FNDC3B: variants seen among roughly 807,000 people sequenced by gnomAD.
FNDC3B encodes the protein fibronectin type III domain-containing protein 3B.
In FNDC3B, 12 loss-of-function variants were observed where a neutral mutation model predicts 151.5. The observed-to-expected ratio is 0.08, with a 90% CI of 0.05 to 0.13. FNDC3B has a LOEUF of 0.13. Among genes scored for constraint, FNDC3B ranks in the 10% least tolerant of loss-of-function variants. FNDC3B has a pLI of 1.00. For missense variants in FNDC3B, 1,214 were observed against 1,505.3 expected (o/e 0.81, Z 3.20); for synonymous variants, 528 against 549.0 (o/e 0.96, Z 0.54).
At chr3:172,245,082 G>A (rs575525565) in intron 4 of FNDC3B, among the ~76,000 whole-genome samples, 73 of 152,232 alleles carry the variant, frequency 4.8e-4, no homozygotes, top group African/African-American at 1.5e-3. Context: ...GAGCTGTCAA[G>A]CAATTTTTAT....
chr3:172,123,893 A>G (rs749742274), intron 2 of FNDC3B, among the ~76,000 whole-genome samples: 3 of 152,232 alleles, frequency 2.0e-5, no homozygotes, highest in Non-Finnish European at 2.9e-5. Context: ...AGGTTTATCT[A>G]TATGAATAAT....
intron 8 of FNDC3B, 27 bp downstream of exon 8, chr3:172,295,541 T>C (rs1269918581): frequency 6.2e-7 from 1 of 1,606,534 alleles, no homozygotes; most frequent in African/African-American, 1.3e-5. Context: ...TTGTTTTTCT[T>C]TGCTGCTAAA....
chr3:172,235,184 C>A (rs147394018), intron 4 of FNDC3B, among the ~76,000 whole-genome samples: 1 of 151,964 alleles, frequency 6.6e-6, no homozygotes, highest in Admixed American at 6.6e-5. Flanking sequence ...CTAGTAACTA[C>A]AATAATTTTG....
chr3:172,132,891 A>G (rs1721174615), intron 2 of FNDC3B, among the ~76,000 whole-genome samples: 1 of 152,230 alleles, frequency 6.6e-6, no homozygotes, highest in African/African-American at 2.4e-5. Context: ...ATGTTCATAT[A>G]AGTAAAACAT....
intron 23 of FNDC3B, among the ~76,000 whole-genome samples, chr3:172,372,673 A>G (rs1734937939): frequency 6.6e-6 from 1 of 152,174 alleles, no homozygotes; most frequent in African/African-American, 2.4e-5. Context: ...GAATGACCCC[A>G]GTAGCCTGGG....
Position 172,122,527 on chromosome 3 carries a change from G to C in FNDC3B, c.111+9937G>C, listed in dbSNP as rs1720604530. 2.0e-5 allele frequency among the ~76,000 whole-genome samples: 3 copies of C among 152,336 alleles called. No individual in the cohort carries two copies. The South Asian group carries it at 6.2e-4, about 32-fold the overall frequency. ...GGTGGGTCCCCAGAAGAAACATTAT[G>C]CATGTGCTGCTTTAGTGTTAATGCC... On this transcript the variant is annotated intron_variant, in intron 2 of 25. Transcript: ENST00000415807.
intron 1 of FNDC3B, among the ~76,000 whole-genome samples, chr3:172,065,956 A>G (rs1303766390): frequency 6.6e-6 from 1 of 152,170 alleles, no homozygotes; most frequent in Non-Finnish European, 1.5e-5. Flanking sequence ...AGGTATGATT[A>G]TGTGGTTAAT....
At chr3:172,086,360 TA>T (rs11417506) in intron 1 of FNDC3B, among the ~76,000 whole-genome samples, 32 of 147,536 alleles carry the variant, frequency 2.2e-4, no homozygotes, top group East Asian at 4.0e-4. Flanking sequence ...ACCTGATCTT[TA>T]AAAAAAAAAA....
At chr3:172,201,794 G>C (rs1043010351) in intron 3 of FNDC3B, among the ~76,000 whole-genome samples, 3 of 152,150 alleles carry the variant, frequency 2.0e-5, no homozygotes, top group African/African-American at 7.2e-5. Context: ...TAAATTTACG[G>C]GATGCCCAGT....
chr3:172,399,087 G>A lies in FNDC3B; in HGVS notation c.*1612G>A, dbSNP rs1176025446. The A allele has an allele frequency of 6.6e-6, 1 of 152,576 alleles. No individual in the cohort carries two copies. The highest frequency in any genetic ancestry group is 2.4e-5 in the African/African-American group (1 of 41,426). 9.5% of individuals were successfully genotyped at this position (152,576 alleles called of 1,614,324 possible). On this transcript the variant is annotated 3_prime_UTR_variant, in exon 26 of 26. Coordinates refer to ENST00000415807, the MANE Select transcript of FNDC3B (RefSeq NM_022763.4). ...TTTATTGTCTAAGATGCAGTATCCT[G>A]TACTAGCTTATAATATTCCCATACC... is the stretch of plus-strand genomic sequence containing the variant.
At chr3:172,284,565 G>T (rs1729909128) in intron 6 of FNDC3B, among the ~76,000 whole-genome samples, 1 of 151,870 alleles carries the variant, frequency 6.6e-6, no homozygotes, top group Non-Finnish European at 1.5e-5. Flanking sequence ...TTGAAAAGAT[G>T]AATTTAAGAT....
rs960786222 is a variant in FNDC3B, at chr3:172,365,982, A to G, written c.3008+3137A>G. ...CTCTGATATCTTTTCACCTTAAGGC[A>G]ACAAATCTTTGTAGAGTATTTGTGA... On this transcript the variant is annotated intron_variant, in intron 23 of 25. Coordinates refer to ENST00000415807, the MANE Select transcript of FNDC3B (RefSeq NM_022763.4). 3.3e-5 allele frequency among the ~76,000 whole-genome samples: 5 copies of G among 152,230 alleles called. No homozygotes were observed. In the East Asian group the frequency reaches 9.6e-4, roughly 29 times the overall value.
intron 6 of FNDC3B, among the ~76,000 whole-genome samples, chr3:172,274,296 T>G (rs78318843): frequency 0.025 from 3,868 of 152,274 alleles, 98 homozygotes; most frequent in Middle Eastern, 0.068. Flanking sequence ...CTGAACCAAG[T>G]AGTCTAGCAG....
At chr3:172,089,897 A>C (rs1485042836) in intron 1 of FNDC3B, among the ~76,000 whole-genome samples, 1 of 152,182 alleles carries the variant, frequency 6.6e-6, no homozygotes, top group Non-Finnish European at 1.5e-5. Context: ...CGGCCATCTC[A>C]ACTTTTTACA....
At chr3:172,076,047 A>C (rs61692023) in intron 1 of FNDC3B, among the ~76,000 whole-genome samples, 7,011 of 152,186 alleles carry the variant, frequency 0.046, 571 homozygotes, top group African/African-American at 0.16. Context: ...TTAAGGTCCC[A>C]GTTTCCAAAG....
Position 172,400,705 on chromosome 3 carries a change from AG to A in FNDC3B, c.*3233del, listed in dbSNP as rs1440972099. On this transcript the variant is annotated 3_prime_UTR_variant, in exon 26 of 26. Transcript: ENST00000415807. Reference sequence around the variant, plus strand: ...TGTTTTAATTCTTTCTGACTTAAATAGGGTTTTTCTGCCATGACTAGGATTG... The same window carrying A: ...TGTTTTAATTCTTTCTGACTTAAATAGGTTTTTCTGCCATGACTAGGATTG... 4 of 152,318 alleles carry A rather than the reference AG, an allele frequency of 2.6e-5. No individual in the cohort carries two copies. The highest frequency in any genetic ancestry group is 9.6e-5 in the African/African-American group (4 of 41,462). 9.4% of individuals were successfully genotyped at this position (152,318 alleles called of 1,614,324 possible).
chr3:172,071,892 A>G (rs1009348042), intron 1 of FNDC3B, among the ~76,000 whole-genome samples: 6 of 151,892 alleles, frequency 4.0e-5, no homozygotes, highest in African/African-American at 1.5e-4. Context: ...TGTTTTACAG[A>G]TAGAAACTGA....
In FNDC3B at chr3:172,382,871, C is replaced by G. The variant is rs561892483; in HGVS notation, c.3303+1778C>G. Among the ~76,000 whole-genome samples the G allele has an allele frequency of 7.2e-5, 11 of 152,216 alleles. No individual in the cohort carries two copies. In the South Asian group the frequency reaches 2.3e-3, roughly 32 times the overall value. ...TACTATGCTGTTTTGGTTACTGTAGCCTTGTAATATAGTTTGAAGTCAGGT... is the reference window on the plus strand; with the variant it reads ...TACTATGCTGTTTTGGTTACTGTAGGCTTGTAATATAGTTTGAAGTCAGGT... On this transcript the variant is annotated intron_variant, in intron 25 of 25. Transcript: ENST00000415807.
chr3:172,111,624 T>C (rs947369047), intron 1 of FNDC3B, among the ~76,000 whole-genome samples: 2 of 152,062 alleles, frequency 1.3e-5, no homozygotes, highest in African/African-American at 4.8e-5. Context: ...TTTTTTTGGG[T>C]GGGATGGAGG....
Sources: allele counts gnomAD v4.1 joint callset (sites outside exome capture counted in the v4.1 genomes callset), GRCh38; gene constraint gnomAD v4.1.1; transcripts MANE v1.5; gene names NCBI Gene and HGNC (gene_info 2026-07-23, HGNC 2026-07-21).